TMEM131: variants seen among roughly 807,000 people sequenced by gnomAD.
TMEM131 encodes transmembrane protein 131, also known as 2610524E03Rik.
A neutral mutation model predicts 211.6 loss-of-function variants in TMEM131; 66 were observed. The ratio of observed to expected loss-of-function variants is 0.31; its 90% confidence interval spans 0.26 to 0.38. The LOEUF (loss-of-function observed/expected upper bound fraction) is 0.38. Among genes scored for constraint, TMEM131 ranks in the 10% least tolerant of loss-of-function variants. The probability of loss-of-function intolerance (pLI) is 1.00; values close to 1 mark genes in which losing one functional copy is unlikely to be tolerated. For synonymous variants in TMEM131, 844 were observed against 841.3 expected (o/e 1.00, Z -0.06); for missense variants, 2,036 against 2,299.3 (o/e 0.89, Z 2.34).
chr2:97,759,197 G>A (rs1350668564), intron 39 of TMEM131, 144 bp from the exon 40 acceptor site: 22 of 1,000,932 alleles, frequency 2.2e-5, no homozygotes, highest in African/African-American at 3.2e-5. Flanking sequence ...CAGCCCAGAG[G>A]AAGTAGGGGC....
chr2:97,933,260 G>A (rs1677307969), intron 1 of TMEM131, among the ~76,000 whole-genome samples: 1 of 152,104 alleles, frequency 6.6e-6, no homozygotes, highest in African/African-American at 2.4e-5. Flanking sequence ...GGATCAACAT[G>A]GCAGTTACAT....
chr2:97,835,895 T>C (rs562043726), intron 8 of TMEM131, among the ~76,000 whole-genome samples: 15 of 152,246 alleles, frequency 9.9e-5, no homozygotes, highest in Non-Finnish European at 2.1e-4. Context: ...ACTAGGACTA[T>C]AAAAACATGC....
intron 1 of TMEM131, among the ~76,000 whole-genome samples, chr2:97,948,022 A>T (rs1384536212): frequency 6.6e-6 from 1 of 152,222 alleles, no homozygotes; most frequent in African/African-American, 2.4e-5. Flanking sequence ...TCCAAAATTT[A>T]CAAAAATCAA....
chr2:97,900,451 T>A (rs1357932457), intron 3 of TMEM131, among the ~76,000 whole-genome samples: 3 of 152,048 alleles, frequency 2.0e-5, no homozygotes, highest in Non-Finnish European at 4.4e-5. Context: ...TTATCACATT[T>A]AACATAATGT....
chr2:97,990,987 A>C (rs915716468), intron 1 of TMEM131, among the ~76,000 whole-genome samples: 1 of 152,222 alleles, frequency 6.6e-6, no homozygotes, highest in Non-Finnish European at 1.5e-5. Context: ...TGAAATTTAA[A>C]TTGTCATAGG....
intron 11 of TMEM131, among the ~76,000 whole-genome samples, chr2:97,830,170 G>C (rs956256072): frequency 9.2e-6 from 1 of 108,146 alleles, no homozygotes; most frequent in Non-Finnish European, 2.0e-5. Flanking sequence ...AACCCAAATT[G>C]TTAAAACCCA....
At chr2:97,962,462 C>T (rs780314636) in intron 1 of TMEM131, among the ~76,000 whole-genome samples, 4 of 152,206 alleles carry the variant, frequency 2.6e-5, no homozygotes, top group Non-Finnish European at 5.9e-5. Flanking sequence ...TGAGATAGCG[C>T]CACTGCACTC....
At chr2:97,873,058 G>C (rs1417460609) in intron 4 of TMEM131, among the ~76,000 whole-genome samples, 1 of 152,198 alleles carries the variant, frequency 6.6e-6, no homozygotes, top group Non-Finnish European at 1.5e-5. Flanking sequence ...GAGCTTGGTG[G>C]GGGGAGGGGC....
chr2:97,943,078 AAAGAAAGAAAG>A (rs1677866967), intron 1 of TMEM131, among the ~76,000 whole-genome samples: 1 of 145,788 alleles, frequency 6.9e-6, no homozygotes, highest in Non-Finnish European at 1.5e-5. Flanking sequence ...AGAAAGAAAG[AAAGAAAGAAAG>A]AAAGAAAGAA....
intron 12 of TMEM131, among the ~76,000 whole-genome samples, chr2:97,817,326 G>A (rs758230631): frequency 5.3e-5 from 8 of 152,100 alleles, no homozygotes; most frequent in South Asian, 2.1e-4. Context: ...AGTGCCTCAC[G>A]TCGGTAATCC....
At chr2:97,760,993 G>A in intron 36 of TMEM131, 79 bp from the exon 37 acceptor site, 2 of 1,575,736 alleles carry the variant, frequency 1.3e-6, no homozygotes, top group Non-Finnish European at 1.7e-6. Flanking sequence ...TGGCAGGACT[G>A]AGCCCTGAGT....
intron 1 of TMEM131, among the ~76,000 whole-genome samples, chr2:97,946,982 C>T (rs1678074013): frequency 6.6e-6 from 1 of 150,896 alleles, no homozygotes; most frequent in Non-Finnish European, 1.5e-5. Flanking sequence ...TTTCAAAAAA[C>T]AGACAAAAAA....
At chr2:97,973,098 GTTAT>G (rs1245928298) in intron 1 of TMEM131, among the ~76,000 whole-genome samples, 1 of 152,160 alleles carries the variant, frequency 6.6e-6, no homozygotes, top group Non-Finnish European at 1.5e-5. Context: ...TAAATTTGTG[GTTAT>G]TTGTTACAGT....
chr2:97,861,086 A>T (rs1219954164), intron 4 of TMEM131, among the ~76,000 whole-genome samples: 3 of 152,192 alleles, frequency 2.0e-5, no homozygotes, highest in Admixed American at 1.3e-4. Flanking sequence ...TCGCCTGCCC[A>T]AGGAGACAGC....
chr2:97,981,947 AGTT>A (rs1490424931), intron 1 of TMEM131, among the ~76,000 whole-genome samples: 1 of 152,188 alleles, frequency 6.6e-6, no homozygotes, highest in Non-Finnish European at 1.5e-5. Flanking sequence ...CAAACATTTC[AGTT>A]GTTTCCACTT....
At chr2:97,958,464 G>A (rs1324060387) in intron 1 of TMEM131, among the ~76,000 whole-genome samples, 1 of 152,210 alleles carries the variant, frequency 6.6e-6, no homozygotes. Context: ...AATCATTAAA[G>A]TAGCTGTTCT....
chr2:97,804,346 C>T (rs1681186218), intron 22 of TMEM131, among the ~76,000 whole-genome samples: 1 of 152,104 alleles, frequency 6.6e-6, no homozygotes, highest in Non-Finnish European at 1.5e-5. Flanking sequence ...GCCCTGTGTG[C>T]TCCCGAATAG....
intron 31 of TMEM131, among the ~76,000 whole-genome samples, chr2:97,778,503 A>T (rs976759535): frequency 6.6e-6 from 1 of 151,990 alleles, no homozygotes; most frequent in Non-Finnish European, 1.5e-5. Flanking sequence ...GTGGGCTGAG[A>T]TCGTGCCACT....
At chr2:97,939,733 T>G (rs1417143847) in intron 1 of TMEM131, among the ~76,000 whole-genome samples, 1 of 152,146 alleles carries the variant, frequency 6.6e-6, no homozygotes, top group African/African-American at 2.4e-5. Flanking sequence ...AAAAGAATTT[T>G]AGACCAATAT....
Sources: gnomAD v4.1 joint callset for allele counts (sites outside exome capture counted in the v4.1 genomes callset) on GRCh38, gnomAD v4.1.1 for gene constraint, MANE v1.5 for transcripts, NCBI Gene and HGNC (gene_info 2026-07-23, HGNC 2026-07-21) for gene names.